Variants in SMG1 observed in about 807,000 individuals in gnomAD.
SMG1 encodes SMG1 nonsense mediated mRNA decay associated PI3K related kinase.
Under a neutral mutation model 419.9 loss-of-function variants are expected in SMG1, and 22 were observed. The observed-to-expected ratio is 0.05, with a 90% CI of 0.04 to 0.07. The LOEUF is 0.07. Among genes scored for constraint, SMG1 ranks in the 10% least tolerant of loss-of-function variants. The pLI, the probability that SMG1 is intolerant of heterozygous loss-of-function variation, is 1.00. For synonymous variants in SMG1, 1,538 were observed against 1,553.5 expected (o/e 0.99, Z 0.23); for missense variants, 3,185 against 4,342.0 (o/e 0.73, Z 7.49).
chr16:18,809,762 C>T, intron 62 of SMG1, 116 bp from the exon 63 acceptor site: 1 of 704,592 alleles, frequency 1.4e-6, no homozygotes, highest in Non-Finnish European at 2.5e-6. Context: ...TCTATACTTA[C>T]CCTGCTCCTG....
At chr16:18,907,340 C>A (rs1049287943) in intron 1 of SMG1, among the ~76,000 whole-genome samples, 1 of 151,644 alleles carries the variant, frequency 6.6e-6, no homozygotes, top group Non-Finnish European at 1.5e-5. Context: ...AAGTTCATGA[C>A]TTTCTCCTTG....
intron 31 of SMG1, 53 bp downstream of exon 31, chr16:18,853,530 A>G: frequency 7.1e-7 from 1 of 1,417,512 alleles, no homozygotes; most frequent in East Asian, 2.5e-5. Flanking sequence ...TTTAAAACAG[A>G]AAAAAATATA....
Position 18,872,516 on chromosome 16 carries a change from T to C in SMG1, c.1999A>G (p.Thr667Ala), listed in dbSNP as rs1205128659. Residue 667 changes from threonine to alanine, a missense_variant, in exon 14 of 63, where the codon ACA (threonine) becomes GCA (alanine). Physicochemically the swap from Thr to Ala is moderately conservative, Grantham distance 58 (BLOSUM62 0). This residue lies in a region of SMG1 where 297 missense variants were observed against 491.0 expected (regional missense o/e 0.60). Coordinates refer to ENST00000446231, the MANE Select transcript of SMG1 (RefSeq NM_015092.5). ...FPAIQYAVLY[T>A]LYSHCTRHDH... ...TACCTGGTACAATGAGAATACAATG[T>C]GTAGAGCACAGCATACTGAATGGCA... The C allele has an allele frequency of 5.8e-6, 9 of 1,547,740 alleles. No homozygotes were observed. Among genetic ancestry groups the C allele is most frequent in the Non-Finnish European group, 7.8e-6 (9 of 1,157,812 alleles).
At chr16:18,853,185 G>GT (rs1032143511) in intron 31 of SMG1, among the ~76,000 whole-genome samples, 23 of 152,136 alleles carry the variant, frequency 1.5e-4, no homozygotes, top group African/African-American at 5.3e-4. Flanking sequence ...TATTTGTAAG[G>GT]TATCTTTGTG....
intron 1 of SMG1, chr16:18,925,467 A>AGTTTT (rs1231051037): frequency 6.5e-6 from 1 of 153,864 alleles, no homozygotes; most frequent in East Asian, 1.9e-4. Context: ...CCTTAGCTGG[A>AGTTTT]GTTTTGTTTT....
chr16:18,816,213 A>C, intron 58 of SMG1, 89 bp downstream of exon 58: 2 of 1,022,304 alleles, frequency 2.0e-6, no homozygotes, highest in Non-Finnish European at 2.8e-6. Context: ...TGTTATTTAC[A>C]AAATGTCACT....
At position 18,854,906 on chromosome 16, in the gene SMG1, T is replaced by C. The variant is rs779138456; in HGVS notation, c.4235-2A>G. Reference sequence around the variant, plus strand: ...GGCTTCTAATTGGGACTGTTTGTTCTGAAGAGAGGAAAACGTTTTATTAGT... The same window carrying C: ...GGCTTCTAATTGGGACTGTTTGTTCCGAAGAGAGGAAAACGTTTTATTAGT... On this transcript the variant is annotated splice_acceptor_variant, in intron 29 of 62. Transcript: ENST00000446231. LOFTEE classifies it high-confidence loss of function. 6.2e-7 allele frequency: 1 copy of C among 1,610,502 alleles called. No homozygotes were observed. The highest frequency in any genetic ancestry group is 8.5e-7 in the Non-Finnish European group (1 of 1,178,740).
intron 45 of SMG1, among the ~76,000 whole-genome samples, chr16:18,837,718 C>T (rs142915477): frequency 2.0e-5 from 3 of 152,184 alleles, no homozygotes; most frequent in Non-Finnish European, 4.4e-5. Context: ...GGAAGCTATC[C>T]AATTAAAGAA....
chr16:18,870,464 T>C lies in SMG1; in HGVS notation c.2492+146A>G, dbSNP rs1260785967. The C allele has an allele frequency of 4.7e-6, 3 of 635,166 alleles. No homozygotes were observed. In the Admixed American group the frequency reaches 9.1e-5, roughly 19 times the overall value. The allele number at this position is 635,166 out of a possible 1,614,324, so 39.3% of individuals were successfully genotyped here. On this transcript the variant is annotated intron_variant, in intron 18 of 62. Transcript: ENST00000446231. The stretch of plus-strand genomic sequence containing the variant: ...TTGCAGACCTGCAAAATTCGATTAT[T>C]TGACATCACTTCAATCACTGACAAA...
intron 45 of SMG1, 89 bp from the exon 46 acceptor site, chr16:18,837,532 T>C: frequency 8.6e-7 from 1 of 1,159,140 alleles, no homozygotes. Context: ...ACATCCTACT[T>C]AAATCTCTAC....
chr16:18,902,451 C>T (rs1027521108), intron 1 of SMG1, among the ~76,000 whole-genome samples: 1 of 152,122 alleles, frequency 6.6e-6, no homozygotes, highest in Non-Finnish European at 1.5e-5. Context: ...GCCTGTAACC[C>T]CAGCACTTTG....
chr16:18,904,254 G>A (rs1057233247), intron 1 of SMG1, among the ~76,000 whole-genome samples: 8 of 149,994 alleles, frequency 5.3e-5, no homozygotes, highest in Admixed American at 4.0e-4. Flanking sequence ...TTTGTACGTT[G>A]CAAAATCTCC....
rs376832761 is a variant in SMG1, at chr16:18,869,251, G to A, written c.2686C>T (p.Arg896Cys). 223 of 1,611,598 alleles carry A rather than the reference G, an allele frequency of 1.4e-4. No homozygotes were observed. The highest frequency in any genetic ancestry group is 1.8e-4 in the East Asian group (8 of 44,878). ...TTGCGTGGAATTGTTGACTGGTCAC[G>A]CTTATCCAGTCTCTGGCAGCTATAG... ...LFYSCQRLDK[R>C]DQSTIPRNLL... Residue 896 changes from arginine to cysteine, a missense_variant, in exon 20 of 63, where the codon CGT becomes TGT. Physicochemically the swap from Arg to Cys is radical, Grantham distance 180 (BLOSUM62 -3). Around this residue, in one of 27 missense-constraint regions of SMG1, gnomAD observed 48 missense variants for 48.8 expected, o/e 0.98. Coordinates refer to ENST00000446231, the MANE Select transcript of SMG1 (RefSeq NM_015092.5).
At chr16:18,890,573 C>A (rs529828901) in intron 5 of SMG1, among the ~76,000 whole-genome samples, 16 of 152,294 alleles carry the variant, frequency 1.1e-4, no homozygotes, top group African/African-American at 3.1e-4. Context: ...TCACTTGAAC[C>A]CGAGAGGTGG....
chr16:18,830,499 T>G, intron 51 of SMG1, 130 bp from the exon 52 acceptor site: 3 of 1,095,156 alleles, frequency 2.7e-6, no homozygotes, highest in South Asian at 1.6e-5. Flanking sequence ...TAAGAAGAAG[T>G]GTTATTAGGC....
At chr16:18,820,078 G>A (rs184895325) in intron 55 of SMG1, among the ~76,000 whole-genome samples, 1 of 152,024 alleles carries the variant, frequency 6.6e-6, no homozygotes, top group African/African-American at 2.4e-5. Context: ...CGATTCTCCT[G>A]CCTCAGCCTC....
chr16:18,924,206 G>C, intron 1 of SMG1, among the ~76,000 whole-genome samples: 1 of 152,090 alleles, frequency 6.6e-6, no homozygotes, highest in Non-Finnish European at 1.5e-5. Flanking sequence ...TAAAGCACTT[G>C]AAAGAAACAA....
chr16:18,847,910 T>C lies in SMG1; in HGVS notation c.5747A>G (p.Lys1916Arg), dbSNP rs2034360295. The change falls in exon 37 of 63, where the codon AAA becomes AGA. Residue 1916 changes from lysine (K) to arginine (R), a missense_variant. By Grantham distance (26) the Lys-to-Arg change is conservative. This residue lies in a region of SMG1 where 130 missense variants were observed against 162.0 expected (regional missense o/e 0.80). Transcript: ENST00000446231. The stretch of plus-strand genomic sequence containing the variant: ...GGCTTGGTCTTCATTTAATCCACTT[T>C]TAGGTTCATCCTTATTGCTATCCTG... ...ASQDSNKDEP[K>R]SGLNEDQAMM... The C allele has an allele frequency of 1.2e-6, 2 of 1,614,064 alleles. No homozygotes were observed. Among genetic ancestry groups the C allele is most frequent in the East Asian group, 2.2e-5 (1 of 44,882 alleles).
chr16:18,878,590 C>G (rs1368215989), intron 11 of SMG1: 2 of 133,576 alleles, frequency 1.5e-5, no homozygotes, highest in Admixed American at 1.6e-4. Context: ...CAGGGGAATA[C>G]AGCAAGATCC....
Sources: gnomAD v4.1 joint callset for allele counts (sites outside exome capture counted in the v4.1 genomes callset) on GRCh38, gnomAD v4.1.1 for gene constraint, gnomAD v4.1.1 regional missense constraint, MANE v1.5 for transcripts, NCBI Gene and HGNC (gene_info 2026-07-23, HGNC 2026-07-21) for gene names.